The following RBFOX3 variants were observed in gnomAD, a reference collection of about 807,000 sequenced individuals.
RBFOX3 encodes the protein RNA binding fox-1 homolog 3, also known as RNA binding protein fox-1 homolog 3.
A neutral mutation model predicts 48.7 loss-of-function variants in RBFOX3; 17 were observed. The ratio of observed to expected loss-of-function variants is 0.35; its 90% CI spans 0.24 to 0.52. The LOEUF (loss-of-function observed/expected upper bound fraction) is 0.52, where lower values mean the gene tolerates loss of function less well. Among genes scored for constraint, RBFOX3 ranks in the 20% least tolerant of loss-of-function variants. RBFOX3 has a pLI of 0.94. For missense variants in RBFOX3, 382 were observed against 497.5 expected, an observed-to-expected ratio of 0.77 and a Z score of 2.21; for synonymous variants, 212 against 209.5, an observed-to-expected ratio of 1.01 and a Z score of -0.10.
the RBFOX3 span, among the ~76,000 whole-genome samples, chr17:79,619,746 G>T: frequency 6.6e-6 from 1 of 152,022 alleles, no homozygotes; most frequent in South Asian, 2.1e-4. Flanking sequence ...TCCACGTCCC[G>T]GACGGACAGG....
At chr17:79,284,516 G>A (rs1464336503) in intron 3 of RBFOX3, among the ~76,000 whole-genome samples, 1 of 150,932 alleles carries the variant, frequency 6.6e-6, no homozygotes, top group African/African-American at 2.4e-5. Context: ...GGAGATGGCT[G>A]GAAGCAGGCT....
chr17:79,137,608 C>G (rs2040537109), intron 4 of RBFOX3, among the ~76,000 whole-genome samples: 1 of 152,208 alleles, frequency 6.6e-6, no homozygotes, highest in South Asian at 2.1e-4. Context: ...TGAGCGCCTC[C>G]TTTCCTCCCA....
At chr17:79,454,462 T>C (rs1324929779) in intron 2 of RBFOX3, among the ~76,000 whole-genome samples, 1 of 151,816 alleles carries the variant, frequency 6.6e-6, no homozygotes. Flanking sequence ...TCTCCTGGGA[T>C]CAAGAACACT....
At chr17:79,440,229 G>A (rs2137774) in intron 2 of RBFOX3, among the ~76,000 whole-genome samples, 22,474 of 152,226 alleles carry the variant, frequency 0.15, 1,977 homozygotes, top group Non-Finnish European at 0.19. Flanking sequence ...GGTTAATAGC[G>A]TCCGTCTGAG....
At chr17:79,276,204 A>T (rs1416473413) in intron 3 of RBFOX3, among the ~76,000 whole-genome samples, 2 of 152,180 alleles carry the variant, frequency 1.3e-5, no homozygotes, top group Admixed American at 6.5e-5. Flanking sequence ...ACTGTCCCCC[A>T]AGGGCTGGCC....
chr17:79,202,450 T>C (rs939112432), intron 4 of RBFOX3, among the ~76,000 whole-genome samples: 2 of 152,118 alleles, frequency 1.3e-5, no homozygotes, highest in African/African-American at 4.8e-5. Flanking sequence ...CTGCTAGGGG[T>C]GCTGGGAGCA....
chr17:79,121,114 T>G (rs2147170532), intron 4 of RBFOX3, among the ~76,000 whole-genome samples: 1 of 152,154 alleles, frequency 6.6e-6, no homozygotes, highest in East Asian at 1.9e-4. Context: ...GGAGACAACA[T>G]CCACATTCAC....
the RBFOX3 span, among the ~76,000 whole-genome samples, chr17:79,643,184 T>A: frequency 6.6e-6 from 1 of 152,146 alleles, no homozygotes; most frequent in Admixed American, 6.5e-5. Context: ...GAAAATAAAT[T>A]AGACTTGAAG....
At chr17:79,346,420 A>T (rs1396987207) in intron 2 of RBFOX3, among the ~76,000 whole-genome samples, 1 of 152,202 alleles carries the variant, frequency 6.6e-6, no homozygotes, top group Non-Finnish European at 1.5e-5. Context: ...AAGTTACATA[A>T]GTTCATGGAT....
At chr17:79,506,542 T>C (rs1179482837) in intron 1 of RBFOX3, among the ~76,000 whole-genome samples, 2 of 152,140 alleles carry the variant, frequency 1.3e-5, no homozygotes, top group African/African-American at 4.8e-5. Context: ...CCTACCTTCC[T>C]GCAGCACTGC....
intron 1 of RBFOX3, among the ~76,000 whole-genome samples, chr17:79,493,529 C>T (rs2081005770): frequency 6.6e-6 from 1 of 152,188 alleles, no homozygotes; most frequent in Non-Finnish European, 1.5e-5. Context: ...TCAGATCCCA[C>T]TCCCAGGGTC....
intron 1 of RBFOX3, among the ~76,000 whole-genome samples, chr17:79,514,539 G>A (rs1384600585): frequency 2.0e-5 from 3 of 152,224 alleles, no homozygotes; most frequent in African/African-American, 7.2e-5. Context: ...GCTGTCTCCT[G>A]GATCTCGGCA....
intron 2 of RBFOX3, among the ~76,000 whole-genome samples, chr17:79,344,784 G>A (rs1203071304): frequency 1.3e-5 from 2 of 152,060 alleles, no homozygotes; most frequent in South Asian, 2.1e-4. Flanking sequence ...TCAAACTCCT[G>A]ATCTCAGGTG....
chr17:79,177,186 A>C (rs2050748105), intron 4 of RBFOX3, among the ~76,000 whole-genome samples: 1 of 151,396 alleles, frequency 6.6e-6, no homozygotes, highest in South Asian at 2.1e-4. Flanking sequence ...AGCTGGCCCA[A>C]GGCCACCACT....
intron 1 of RBFOX3, among the ~76,000 whole-genome samples, chr17:79,552,436 CA>C (rs2091244999): frequency 6.6e-6 from 1 of 152,168 alleles, no homozygotes; most frequent in Non-Finnish European, 1.5e-5. Context: ...CCTCTCCCAG[CA>C]GCATAATTTG....
At chr17:79,540,366 C>T (rs782002039) in intron 1 of RBFOX3, among the ~76,000 whole-genome samples, 4 of 152,334 alleles carry the variant, frequency 2.6e-5, no homozygotes, top group Admixed American at 6.5e-5. Context: ...AGGGAGTCGG[C>T]AAATGCAGGG....
intron 1 of RBFOX3, among the ~76,000 whole-genome samples, chr17:79,524,590 C>T (rs966510950): frequency 2.5e-4 from 38 of 152,332 alleles, no homozygotes; most frequent in African/African-American, 8.2e-4. Flanking sequence ...CTACCAACAA[C>T]GTGCAGAACT....
intron 4 of RBFOX3, among the ~76,000 whole-genome samples, chr17:79,127,411 G>GA (rs2147361302): frequency 6.6e-6 from 1 of 152,350 alleles, no homozygotes; most frequent in South Asian, 2.1e-4. Context: ...GGGAGGAGAG[G>GA]AGGTGGGAAG....
chr17:79,532,211 A>C (rs1319414284), intron 1 of RBFOX3, among the ~76,000 whole-genome samples: 1 of 148,646 alleles, frequency 6.7e-6, no homozygotes, highest in Non-Finnish European at 1.5e-5. Context: ...GGGGGAGGGG[A>C]GGAGGAAGAA....
Sources: allele counts gnomAD v4.1 joint callset (sites outside exome capture counted in the v4.1 genomes callset), GRCh38; gene constraint gnomAD v4.1.1; transcripts MANE v1.5; gene names NCBI Gene and HGNC (gene_info 2026-07-23, HGNC 2026-07-21).